Variants in GVQW3 observed in about 807,000 individuals in gnomAD.
GVQW3 encodes the protein protein GVQW3.
GVQW3 carries 7 observed loss-of-function variants against 12.5 expected under a neutral mutation model. That is an observed-to-expected ratio of 0.56 (90% confidence interval 0.32 to 1.05). The LOEUF (loss-of-function observed/expected upper bound fraction) is 1.05, where lower values mean the gene tolerates loss of function less well. Ranked by LOEUF, GVQW3 falls within the 50% of genes least tolerant of loss-of-function variation. The pLI is 0.04. For synonymous variants in GVQW3, 71 were observed against 67.2 expected (o/e 1.06, Z -0.28); for missense variants, 188 against 190.8 (o/e 0.99, Z 0.09).
chr11:76,395,546 C>T (rs1178635334), intron 1 of GVQW3, among the ~76,000 whole-genome samples: 1 of 152,142 alleles, frequency 6.6e-6, no homozygotes, highest in Non-Finnish European at 1.5e-5. Context: ...CAATATGCTC[C>T]AAGATTATCT....
Position 76,403,967 on chromosome 11 carries a change from C to A in GVQW3, c.*209C>A. On this transcript the variant is annotated 3_prime_UTR_variant, in exon 2 of 2. Coordinates refer to ENST00000529331, the MANE Select transcript of GVQW3 (RefSeq NM_001347885.2). ...TGTCCATGCACATTAGGGAGGGCTG[C>A]CTCTTCATTACTCGGTCTACCAATT... 1 of 691,136 alleles carries A rather than the reference C, an allele frequency of 1.4e-6. No individual in the cohort carries two copies. The highest frequency in any genetic ancestry group is 2.7e-6 in the Non-Finnish European group (1 of 377,344). 42.8% of individuals were successfully genotyped at this position (691,136 alleles called of 1,614,324 possible).
chr11:76,412,985 T>C (rs1947091609), downstream of GVQW3: 1 of 152,246 alleles, frequency 6.6e-6, no homozygotes, highest in African/African-American at 2.4e-5. Context: ...GGCATGGCCA[T>C]GGGCCACCCC....
At chr11:76,398,181 C>T (rs1379853829) in intron 1 of GVQW3, among the ~76,000 whole-genome samples, 1 of 151,632 alleles carries the variant, frequency 6.6e-6, no homozygotes, top group Non-Finnish European at 1.5e-5. Context: ...TGTGTAACAA[C>T]CAATTCTCAA....
intron 1 of GVQW3, among the ~76,000 whole-genome samples, chr11:76,396,566 T>C (rs556792717): frequency 1.8e-4 from 28 of 152,256 alleles, no homozygotes; most frequent in African/African-American, 6.7e-4. Flanking sequence ...CATCCCACCT[T>C]GGCCTCCTAA....
intron 1 of GVQW3, among the ~76,000 whole-genome samples, chr11:76,384,805 C>T (rs1442274257): frequency 6.6e-6 from 1 of 152,234 alleles, no homozygotes; most frequent in Non-Finnish European, 1.5e-5. Context: ...AGGTTGCCCA[C>T]AAGCACTTGG....
downstream of GVQW3, among the ~76,000 whole-genome samples, chr11:76,409,540 T>C (rs1947068052): frequency 6.6e-6 from 1 of 152,198 alleles, no homozygotes. Context: ...GTTCAAGCAT[T>C]GCCTCTTTAG....
chr11:76,403,472 GTTGT>G (rs920393197), intron 1 of GVQW3, among the ~76,000 whole-genome samples, 184 bp from the exon 2 acceptor site: 2 of 152,038 alleles, frequency 1.3e-5, no homozygotes, highest in African/African-American at 2.4e-5. Flanking sequence ...AGTGGGTTTT[GTTGT>G]TTGTTTGTTT....
At chr11:76,399,124 T>C (rs186888385) in intron 1 of GVQW3, among the ~76,000 whole-genome samples, 1 of 148,842 alleles carries the variant, frequency 6.7e-6, no homozygotes, top group East Asian at 1.9e-4. Flanking sequence ...TATTTTATTT[T>C]ATTTCATTTT....
downstream of GVQW3, chr11:76,413,053 A>G (rs1052042477): frequency 1.3e-5 from 2 of 152,178 alleles, no homozygotes; most frequent in African/African-American, 4.8e-5. Flanking sequence ...TTTATTGTGC[A>G]AATAATACAG....
chr11:76,409,421 G>T (rs531010265), downstream of GVQW3, among the ~76,000 whole-genome samples: 3 of 152,318 alleles, frequency 2.0e-5, no homozygotes, highest in Admixed American at 6.5e-5. Context: ...TCCTATGGGG[G>T]TAACTCCTGT....
intron 1 of GVQW3, chr11:76,390,233 T>C (rs1294959278): frequency 1.3e-5 from 2 of 152,202 alleles, no homozygotes; most frequent in African/African-American, 4.8e-5. Context: ...GAAAGAGTTC[T>C]TTAAGATCTA....
At chr11:76,390,720 A>G (rs1441404798) in intron 1 of GVQW3, among the ~76,000 whole-genome samples, 4 of 152,112 alleles carry the variant, frequency 2.6e-5, no homozygotes, top group African/African-American at 9.7e-5. Flanking sequence ...CCAGCTACTC[A>G]GGAGGCTGAG....
At chr11:76,413,507 T>C (rs562510761) in exon 2 of GVQW3, 4 of 152,284 alleles carry the variant, frequency 2.6e-5, no homozygotes, top group African/African-American at 7.2e-5. Context: ...ATCTATAAGA[T>C]GGGGATGGCA....
rs10793160 is a variant in GVQW3 at position 76,407,449 on chromosome 11, T to C, written c.*3691T>C. On this transcript the variant is annotated 3_prime_UTR_variant, in exon 2 of 2. Transcript: ENST00000529331. ...AAAATTAGCTGGGTGTGGTGGTGCA[T>C]GCCTGTAATCCCAGCTACTCGGGAG... 0.38 allele frequency: 57,931 copies of C among 151,608 alleles called. 11,732 individuals are homozygous for C. Among genetic ancestry groups the C allele is most frequent in the African/African-American group, 0.5 (20,795 of 41,240 alleles). The allele number at this position is 151,608 out of a possible 1,614,324, so 9.4% of individuals were successfully genotyped here. A position where few individuals can be genotyped will look rare whatever the true frequency, so the allele number is the denominator to read the frequency against.
exon 2 of GVQW3, chr11:76,414,386 C>G (rs1280345818): frequency 6.6e-6 from 1 of 152,076 alleles, no homozygotes; most frequent in Non-Finnish European, 1.5e-5. Flanking sequence ...TAAGTGGTAC[C>G]TGGAGGAACC....
In GVQW3 at chr11:76,382,355, C is replaced by G. The variant is rs145744648; in HGVS notation, c.465+62C>G. 4,598 of 1,066,196 alleles carry G rather than the reference C, an allele frequency of 4.3e-3. 119 individuals are homozygous for G. In the Admixed American group the frequency reaches 0.059, roughly 14 times the overall value. The allele number at this position is 1,066,196 out of a possible 1,614,324, so 66.0% of individuals were successfully genotyped here. A position where few individuals can be genotyped will look rare whatever the true frequency, so the allele number is the denominator to read the frequency against. On this transcript the variant is annotated intron_variant, in intron 1 of 1. Coordinates refer to ENST00000529331, the MANE Select transcript of GVQW3 (RefSeq NM_001347885.2). ...GAAGCTGGTGGGGAAATGCCCCTGC[C>G]GGTATCCCATCCCAGAGTCCACTAC...
At chr11:76,385,498 A>C (rs1304226036) in intron 1 of GVQW3, among the ~76,000 whole-genome samples, 7 of 151,876 alleles carry the variant, frequency 4.6e-5, no homozygotes, top group Admixed American at 4.6e-4. Context: ...TTTATTCTTC[A>C]CAGTTTGCTC....
intron 1 of GVQW3, among the ~76,000 whole-genome samples, chr11:76,402,932 ATTTG>A (rs1171701552): frequency 1.7e-4 from 25 of 149,812 alleles, no homozygotes; most frequent in East Asian, 4.0e-4. Context: ...ACATTTATTA[ATTTG>A]TTTGTTTGTT....
chr11:76,401,417 G>A (rs1711799700), intron 1 of GVQW3, among the ~76,000 whole-genome samples: 1 of 152,074 alleles, frequency 6.6e-6, no homozygotes, highest in African/African-American at 2.4e-5. Flanking sequence ...CTAAAGCTAA[G>A]AGTTTTAATG....
Sources: allele counts gnomAD v4.1 joint callset (sites outside exome capture counted in the v4.1 genomes callset), GRCh38; gene constraint gnomAD v4.1.1; transcripts MANE v1.5; gene names NCBI Gene and HGNC (gene_info 2026-07-23, HGNC 2026-07-21).